The following ROBO2 variants were observed in gnomAD, a reference collection of about 807,000 sequenced individuals.
ROBO2 encodes roundabout homolog 2.
In ROBO2, 53 loss-of-function variants were observed where a neutral mutation model predicts 160.8. The observed-to-expected ratio is 0.33, with a 90% CI of 0.26 to 0.41. The LOEUF (loss-of-function observed/expected upper bound fraction) is 0.41. ROBO2 is among the 10% of genes least tolerant of loss of function. The pLI, the probability that ROBO2 is intolerant of heterozygous loss-of-function variation, is 1.00. For missense variants in ROBO2, 1,577 were observed against 1,722.4 expected (o/e 0.92, Z 1.49); for synonymous variants, 664 against 611.7 (o/e 1.09, Z -1.26).
chr3:75,913,843 G>T (rs1946701708), intron 1 of ROBO2, among the ~76,000 whole-genome samples: 1 of 152,136 alleles, frequency 6.6e-6, no homozygotes, highest in Non-Finnish European at 1.5e-5. Context: ...ATGTTAGACA[G>T]TAGTTCCATA....
At chr3:77,134,236 T>C (rs2076092642) in intron 2 of ROBO2, among the ~76,000 whole-genome samples, 1 of 152,162 alleles carries the variant, frequency 6.6e-6, no homozygotes, top group Non-Finnish European at 1.5e-5. Flanking sequence ...AGAAAATGCT[T>C]AAAAGCTATT....
intron 2 of ROBO2, among the ~76,000 whole-genome samples, chr3:76,159,561 G>C (rs2072540447): frequency 6.6e-6 from 1 of 152,084 alleles, no homozygotes; most frequent in Non-Finnish European, 1.5e-5. Flanking sequence ...ACTGAGCTGG[G>C]GATAGCTGTC....
At chr3:76,301,672 G>A (rs1373704172) in intron 2 of ROBO2, among the ~76,000 whole-genome samples, 3 of 152,036 alleles carry the variant, frequency 2.0e-5, no homozygotes, top group East Asian at 1.9e-4. Context: ...TATCTGTCAC[G>A]ATATTCTATG....
intron 1 of ROBO2, among the ~76,000 whole-genome samples, chr3:77,091,579 A>T (rs978734255): frequency 6.6e-6 from 1 of 152,104 alleles, no homozygotes; most frequent in African/African-American, 2.4e-5. Flanking sequence ...GGAATGCTAC[A>T]TCTAGCCAGG....
chr3:77,037,600 A>G (rs746832116), upstream of ROBO2, among the ~76,000 whole-genome samples: 1 of 152,180 alleles, frequency 6.6e-6, no homozygotes, highest in Admixed American at 6.5e-5. Context: ...TTCTGCCCTA[A>G]AGGACCATGG....
chr3:76,704,483 A>T (rs2107508679), intron 2 of ROBO2, among the ~76,000 whole-genome samples: 1 of 152,266 alleles, frequency 6.6e-6, no homozygotes, highest in South Asian at 2.1e-4. Context: ...TATGAACTGA[A>T]TGATAGATGT....
At chr3:76,517,258 A>C (rs1443286939) in intron 2 of ROBO2, among the ~76,000 whole-genome samples, 1 of 152,180 alleles carries the variant, frequency 6.6e-6, no homozygotes, top group Non-Finnish European at 1.5e-5. Context: ...AATGAATTTC[A>C]CTTCATTCTG....
At chr3:76,022,282 C>T (rs192667018) in intron 2 of ROBO2, among the ~76,000 whole-genome samples, 123 of 151,842 alleles carry the variant, frequency 8.1e-4, no homozygotes, top group African/African-American at 2.7e-3. Context: ...GAGAGTTGGA[C>T]TCAACTTCTT....
At chr3:77,627,474 G>A (rs1420560538) in intron 23 of ROBO2, among the ~76,000 whole-genome samples, 2 of 151,566 alleles carry the variant, frequency 1.3e-5, no homozygotes, top group Admixed American at 6.6e-5. Flanking sequence ...TAGTAGATAC[G>A]GGGTTTCACC....
At chr3:76,326,613 T>G (rs1466162309) in intron 2 of ROBO2, among the ~76,000 whole-genome samples, 2 of 152,114 alleles carry the variant, frequency 1.3e-5, no homozygotes, top group East Asian at 3.8e-4. Context: ...TTTTATTTAT[T>G]TATTTATTTA....
At chr3:77,456,752 G>T (rs1382740413) in intron 2 of ROBO2, among the ~76,000 whole-genome samples, 1 of 152,106 alleles carries the variant, frequency 6.6e-6, no homozygotes, top group Non-Finnish European at 1.5e-5. Flanking sequence ...AACATGGGAT[G>T]GCTCTTCTCA....
chr3:76,261,801 C>G (rs1239595711), intron 2 of ROBO2, among the ~76,000 whole-genome samples: 1 of 151,904 alleles, frequency 6.6e-6, no homozygotes, highest in Non-Finnish European at 1.5e-5. Flanking sequence ...TTTGAAATAG[C>G]AATTCCTGGT....
Position 76,075,539 on chromosome 3 carries a change from T to C in ROBO2, c.109+137937T>C, listed in dbSNP as rs970103700. Among the ~76,000 whole-genome samples, 3 of 152,094 alleles carry C rather than the reference T, an allele frequency of 2.0e-5. 1 individual carries two copies. Among genetic ancestry groups the C allele is most frequent in the Admixed American group, 1.3e-4 (2 of 15,252 alleles). On this transcript the variant is annotated intron_variant, in intron 2 of 26. Transcript: ENST00000487694. The stretch of plus-strand genomic sequence containing the variant: ...TGTCAAAAAGCATAGATGTGCTATT[T>C]GCAAAACTAATTTAAAATTTCTTAG...
chr3:75,972,526 T>A (rs983104398), intron 2 of ROBO2, among the ~76,000 whole-genome samples: 1 of 151,692 alleles, frequency 6.6e-6, no homozygotes, highest in Non-Finnish European at 1.5e-5. Context: ...ATTACTCTTA[T>A]ATAAGCAACT....
intron 2 of ROBO2, among the ~76,000 whole-genome samples, chr3:76,888,232 G>A (rs573998088): frequency 1.8e-4 from 28 of 152,224 alleles, no homozygotes; most frequent in African/African-American, 6.7e-4. Flanking sequence ...GCCAGGTGTA[G>A]TGGTGCACGC....
intron 2 of ROBO2, among the ~76,000 whole-genome samples, chr3:77,425,666 ACTC>A (rs1377019938): frequency 1.9e-4 from 24 of 124,198 alleles, no homozygotes; most frequent in African/African-American, 2.1e-4. Context: ...CTTCAATATG[ACTC>A]TTTTTTTTTT....
chr3:76,329,678 G>A (rs149867614), intron 2 of ROBO2, among the ~76,000 whole-genome samples: 1 of 152,312 alleles, frequency 6.6e-6, no homozygotes, highest in Non-Finnish European at 1.5e-5. Context: ...GGCACGCTCA[G>A]CAAGAATATG....
chr3:76,152,489 T>C (rs2072249723), intron 2 of ROBO2, among the ~76,000 whole-genome samples: 1 of 152,180 alleles, frequency 6.6e-6, no homozygotes, highest in African/African-American at 2.4e-5. Flanking sequence ...AGTATACATT[T>C]ATTTAATATA....
intron 2 of ROBO2, among the ~76,000 whole-genome samples, chr3:76,867,622 A>G (rs988240538): frequency 2.0e-5 from 3 of 152,208 alleles, no homozygotes; most frequent in African/African-American, 7.2e-5. Context: ...TGTTGGCATC[A>G]ATTTCCAATG....
Sources: gnomAD v4.1 joint callset for allele counts (sites outside exome capture counted in the v4.1 genomes callset) on GRCh38, gnomAD v4.1.1 for gene constraint, MANE v1.5 for transcripts, NCBI Gene and HGNC (gene_info 2026-07-23, HGNC 2026-07-21) for gene names.